The following AGPAT3 variants were observed in gnomAD, a reference collection of about 807,000 sequenced individuals.
AGPAT3 encodes the protein 1-acyl-sn-glycerol-3-phosphate acyltransferase gamma.
A neutral mutation model predicts 47.3 loss-of-function variants in AGPAT3; 5 were observed. The ratio of observed to expected loss-of-function variants is 0.11; its 90% CI spans 0.06 to 0.22. AGPAT3 has a LOEUF of 0.22. Among genes scored for constraint, AGPAT3 ranks in the 10% least tolerant of loss-of-function variants. AGPAT3 has a pLI of 1.00. For synonymous variants in AGPAT3, 212 were observed against 208.3 expected, an observed-to-expected ratio of 1.02 and a Z score of -0.15; for missense variants, 315 against 493.0, an observed-to-expected ratio of 0.64 and a Z score of 3.42.
chr21:43,870,868 A>G (rs1410852294), intron 1 of AGPAT3, among the ~76,000 whole-genome samples: 1 of 152,230 alleles, frequency 6.6e-6, no homozygotes, highest in Admixed American at 6.5e-5. Context: ...CATGAGGCCT[A>G]TGAAGGGGTG....
rs1180583134 is a variant in AGPAT3, at chr21:43,934,874, G to T, written c.-48-24760G>T. ...CATGCCACTCACATGCCATTGACAC[G>T]CCACCCACGCCACTCACATGCCACC... is the stretch of plus-strand genomic sequence containing the variant. On this transcript the variant is annotated intron_variant, in intron 2 of 9. Transcript: ENST00000291572. The surrounding 1 kb of genome is among the most constrained non-coding windows in gnomAD (Gnocchi z 4.7). Among the ~76,000 whole-genome samples, 1 of 148,814 alleles carries T rather than the reference G, an allele frequency of 6.7e-6. No individual in the cohort carries two copies. Among genetic ancestry groups the T allele is most frequent in the African/African-American group, 2.5e-5 (1 of 39,986 alleles).
At chr21:43,961,617 C>A (rs1358509348) in intron 3 of AGPAT3, among the ~76,000 whole-genome samples, 1 of 148,204 alleles carries the variant, frequency 6.7e-6, no homozygotes, top group African/African-American at 2.5e-5. Context: ...TACACTTTGT[C>A]TCATATGGGA....
intron 1 of AGPAT3, among the ~76,000 whole-genome samples, chr21:43,878,106 C>T (rs2085774143): frequency 6.6e-6 from 1 of 152,158 alleles, no homozygotes; most frequent in Non-Finnish European, 1.5e-5. Context: ...ACTGCTTGCT[C>T]AGCCCCCACC....
intron 3 of AGPAT3, among the ~76,000 whole-genome samples, chr21:43,964,344 C>T (rs1293438879): frequency 2.0e-5 from 3 of 152,030 alleles, no homozygotes; most frequent in Admixed American, 6.5e-5. Flanking sequence ...GAGACTGCAC[C>T]ACGCTCAGCT....
intron 1 of AGPAT3, among the ~76,000 whole-genome samples, chr21:43,878,700 G>A (rs1215455320): frequency 6.6e-6 from 1 of 151,298 alleles, no homozygotes; most frequent in Non-Finnish European, 1.5e-5. Context: ...GAATGACACT[G>A]TTGTAGATGT....
chr21:43,955,120 T>TG lies in AGPAT3; in HGVS notation c.-48-4509dup, dbSNP rs1340406449. On this transcript the variant is annotated intron_variant, in intron 2 of 9. Coordinates refer to ENST00000291572, the MANE Select transcript of AGPAT3 (RefSeq NM_020132.5). This position sits in a 1 kb window ranked among gnomAD's most constrained non-coding sequence, Gnocchi z 4.1. ...GTATCACCGTGGCACGTCCATGCCG[T>TG]GGGGGTCACTCAGCAGCCACGGATG... 3.1e-6 allele frequency: 4 copies of TG among 1,275,194 alleles called. No homozygotes were observed. In the South Asian group the frequency reaches 3.8e-5, roughly 12 times the overall value. 79.0% of individuals were successfully genotyped at this position (1,275,194 alleles called of 1,614,324 possible).
At position 43,954,846 on chromosome 21, in the gene AGPAT3, C is replaced by A; in HGVS notation, c.-48-4788C>A. 4.8e-6 allele frequency: 1 copy of A among 210,492 alleles called. No individual in the cohort carries two copies. Among genetic ancestry groups the A allele is most frequent in the Non-Finnish European group, 9.1e-6 (1 of 110,090 alleles). The allele number at this position is 210,492 out of a possible 1,614,324, so 13.0% of individuals were successfully genotyped here. A position where few individuals can be genotyped will look rare whatever the true frequency, so the allele number is the denominator to read the frequency against. ...TCCGGGGGCACTGAGTGCTGTGTGGCACCCGGGCCAGGAGAAACATGTGCC... is the reference window on the plus strand; with the variant it reads ...TCCGGGGGCACTGAGTGCTGTGTGGAACCCGGGCCAGGAGAAACATGTGCC... On this transcript the variant is annotated intron_variant, in intron 2 of 9. Transcript: ENST00000291572. The surrounding 1 kb of genome is among the most constrained non-coding windows in gnomAD (Gnocchi z 4.0).
At chr21:43,870,687 A>T (rs1293498731) in intron 1 of AGPAT3, among the ~76,000 whole-genome samples, 1 of 152,174 alleles carries the variant, frequency 6.6e-6, no homozygotes, top group Non-Finnish European at 1.5e-5. Flanking sequence ...GTGCCACTGC[A>T]CTCCAGCCTG....
chr21:43,899,149 G>A (rs1013958360), intron 1 of AGPAT3, among the ~76,000 whole-genome samples: 1 of 123,594 alleles, frequency 8.1e-6, no homozygotes, highest in African/African-American at 3.4e-5. Context: ...TGGTTAGAGT[G>A]TGCTGGTGGC....
intron 1 of AGPAT3, among the ~76,000 whole-genome samples, chr21:43,883,728 A>G (rs1230170249): frequency 6.6e-6 from 1 of 152,064 alleles, no homozygotes; most frequent in African/African-American, 2.4e-5. Flanking sequence ...CAAGTAGCTG[A>G]GGTTACAGGT....
chr21:43,927,934 A>T (rs2087109988), intron 2 of AGPAT3, among the ~76,000 whole-genome samples: 2 of 152,108 alleles, frequency 1.3e-5, no homozygotes, highest in African/African-American at 4.8e-5. Flanking sequence ...ACACAATTCA[A>T]GTTAGAACGC....
rs148356655 is a variant in AGPAT3, at chr21:43,901,503, C to A, written c.-111-2454C>A. Among the ~76,000 whole-genome samples the A allele has an allele frequency of 8.6e-5, 13 of 151,800 alleles. No individual in the cohort carries two copies. In the East Asian group the frequency reaches 2.3e-3, roughly 27 times the overall value. On this transcript the variant is annotated intron_variant, in intron 1 of 9. Coordinates refer to ENST00000291572, the MANE Select transcript of AGPAT3 (RefSeq NM_020132.5). ...GAAGATATAAAAAAAAGACCTAGGGCCGGGCGTCATGGCTCATACCTGTAA... is the reference window on the plus strand; with the variant it reads ...GAAGATATAAAAAAAAGACCTAGGGACGGGCGTCATGGCTCATACCTGTAA...
At chr21:43,921,273 G>A (rs965919771) in intron 2 of AGPAT3, among the ~76,000 whole-genome samples, 13 of 152,108 alleles carry the variant, frequency 8.5e-5, no homozygotes, top group African/African-American at 3.1e-4. Flanking sequence ...CCCAGGCCTC[G>A]CCCTGTGCTC....
At chr21:43,903,678 C>T (rs577008976) in intron 1 of AGPAT3, among the ~76,000 whole-genome samples, 1 of 152,192 alleles carries the variant, frequency 6.6e-6, no homozygotes, top group Non-Finnish European at 1.5e-5. Flanking sequence ...CTTCCTGGGG[C>T]GTGACCTCTG....
At chr21:43,916,513 T>C (rs1281407352) in intron 2 of AGPAT3, 1 of 152,164 alleles carries the variant, frequency 6.6e-6, no homozygotes, top group Non-Finnish European at 1.5e-5. Flanking sequence ...TGGCCTGATA[T>C]TTTATTGTCT....
At chr21:43,915,159 C>T (rs1265559349) in intron 2 of AGPAT3, among the ~76,000 whole-genome samples, 2 of 151,898 alleles carry the variant, frequency 1.3e-5, no homozygotes, top group Non-Finnish European at 2.9e-5. Flanking sequence ...TCAAGTGATT[C>T]TCCTGCCTCA....
chr21:43,928,985 T>C (rs1171211196), intron 2 of AGPAT3, among the ~76,000 whole-genome samples: 1 of 152,242 alleles, frequency 6.6e-6, no homozygotes, highest in African/African-American at 2.4e-5. Context: ...TGACTGACTT[T>C]AGGAGGCCAC....
At chr21:43,905,155 A>ATATTTATT (rs71334019) in intron 2 of AGPAT3, among the ~76,000 whole-genome samples, 91 of 138,542 alleles carry the variant, frequency 6.6e-4, no homozygotes, top group Middle Eastern at 3.6e-3. Context: ...TTTAAAAAAA[A>ATATTTATT]TATTTATTTA....
intron 2 of AGPAT3, among the ~76,000 whole-genome samples, chr21:43,931,884 G>A (rs2146285597): frequency 6.6e-6 from 1 of 151,086 alleles, no homozygotes; most frequent in East Asian, 1.9e-4. Context: ...ACAGGTTGAG[G>A]TTTTGTTTCC....
Sources: gnomAD v4.1 joint callset for allele counts (sites outside exome capture counted in the v4.1 genomes callset) on GRCh38, gnomAD v4.1.1 for gene constraint, Gnocchi (gnomAD v3.1) non-coding constraint, MANE v1.5 for transcripts, NCBI Gene and HGNC (gene_info 2026-07-23, HGNC 2026-07-21) for gene names.